Variants in ZYG11A observed in about 807,000 individuals in gnomAD.
ZYG11A encodes the protein protein zyg-11 homolog A.
A neutral mutation model predicts 77.2 loss-of-function variants in ZYG11A; 62 were observed. That is an observed-to-expected ratio of 0.80 (90% CI 0.65 to 0.99). ZYG11A has a LOEUF of 0.99. ZYG11A is among the 50% of genes least tolerant of loss of function. The probability of loss-of-function intolerance (pLI) is 0.00; values close to 1 mark genes in which losing one functional copy is unlikely to be tolerated. For synonymous variants in ZYG11A, 315 were observed against 324.6 expected (o/e 0.97, Z 0.32); for missense variants, 828 against 896.8 (o/e 0.92, Z 0.98).
chr1:52,845,698 ATGTATTTTTT>A (rs1645559632), intron 1 of ZYG11A, among the ~76,000 whole-genome samples: 1 of 151,080 alleles, frequency 6.6e-6, no homozygotes, highest in African/African-American at 2.4e-5. Context: ...TTAATTAAAA[ATGTATTTTTT>A]AAATTGATTT....
Position 52,874,688 on chromosome 1 carries a change from G to A in ZYG11A, c.1543-2994G>A, listed in dbSNP as rs549327093. Among the ~76,000 whole-genome samples the A allele has an allele frequency of 1.8e-3, 271 of 152,114 alleles. 1 individual carries two copies. The highest frequency in any genetic ancestry group is 2.9e-3 in the Non-Finnish European group (195 of 67,990). On this transcript the variant is annotated intron_variant, in intron 8 of 13. Coordinates refer to ENST00000371528, the MANE Select transcript of ZYG11A (RefSeq NM_001004339.3). Reference sequence around the variant, plus strand: ...TTGAGACCAGCCTGGCCAACATGGCGAAACCCCATCTCTACTAAAAATACA... The same window carrying A: ...TTGAGACCAGCCTGGCCAACATGGCAAAACCCCATCTCTACTAAAAATACA...
At chr1:52,869,372 C>T (rs79880288) in intron 8 of ZYG11A, among the ~76,000 whole-genome samples, 1 of 151,140 alleles carries the variant, frequency 6.6e-6, no homozygotes, top group Non-Finnish European at 1.5e-5. Flanking sequence ...TCTGGTTTTC[C>T]TAGGCAGAGG....
intron 13 of ZYG11A, among the ~76,000 whole-genome samples, chr1:52,892,245 G>A (rs1178123014): frequency 1.4e-5 from 2 of 147,518 alleles, no homozygotes; most frequent in African/African-American, 5.0e-5. Context: ...AAAGATGTTT[G>A]GGCCAGGCAT....
At chr1:52,850,438 C>T (rs1049872552) in intron 1 of ZYG11A, among the ~76,000 whole-genome samples, 1 of 151,994 alleles carries the variant, frequency 6.6e-6, no homozygotes, top group Admixed American at 6.6e-5. Flanking sequence ...CCTGCCTCAG[C>T]CTCCCAAATA....
Position 52,864,003 on chromosome 1 carries a change from A to G in ZYG11A, c.1172A>G (p.Asn391Ser). 6.4e-7 allele frequency: 1 copy of G among 1,551,352 alleles called. No homozygotes were observed. The highest frequency in any genetic ancestry group is 1.2e-5 in the South Asian group (1 of 83,932). Residue 391 changes from asparagine (N) to serine (S), a missense_variant, in exon 5 of 14, where the codon AAT becomes AGT. Asn to Ser is a conservative substitution (Grantham distance 46). Coordinates refer to ENST00000371528, the MANE Select transcript of ZYG11A (RefSeq NM_001004339.3). ...ILKLVAIGMR[N>S]HPLDLRVQFT... ...CAGCTTGTGGCTATAGGAATGAGGA[A>G]TCACCCATTGGATTTGCGAGTGCAG... is the stretch of plus-strand genomic sequence containing the variant.
intron 13 of ZYG11A, 48 bp from the exon 14 acceptor site, chr1:52,892,734 T>A: frequency 6.6e-7 from 1 of 1,506,396 alleles, no homozygotes; most frequent in Non-Finnish European, 9.0e-7. Context: ...ATGGGAGTAT[T>A]TAAAATGCCA....
intron 1 of ZYG11A, among the ~76,000 whole-genome samples, chr1:52,847,933 G>T (rs1316281833): frequency 1.3e-5 from 2 of 151,730 alleles, no homozygotes; most frequent in Non-Finnish European, 1.5e-5. Context: ...GCAGTGGCGC[G>T]ATCTCAGCTC....
intron 2 of ZYG11A, among the ~76,000 whole-genome samples, chr1:52,855,319 C>T (rs920729144): frequency 2.0e-5 from 3 of 151,702 alleles, no homozygotes; most frequent in Non-Finnish European, 2.9e-5. Context: ...TATTTATAAC[C>T]TGGGATTACA....
chr1:52,856,342 TA>T (rs1645809882), intron 2 of ZYG11A, among the ~76,000 whole-genome samples: 1 of 151,558 alleles, frequency 6.6e-6, no homozygotes, highest in Admixed American at 6.6e-5. Context: ...GCAGTGCCTG[TA>T]GTCCCAGCTA....
chr1:52,880,348 AG>A (rs1227475817), intron 10 of ZYG11A, among the ~76,000 whole-genome samples: 1 of 152,054 alleles, frequency 6.6e-6, no homozygotes, highest in Admixed American at 6.6e-5. Context: ...GTTCATCAGA[AG>A]CAGCAGTTAA....
At chr1:52,860,961 A>G in intron 4 of ZYG11A, 90 bp downstream of exon 4, 1 of 1,290,136 alleles carries the variant, frequency 7.8e-7, no homozygotes, top group African/African-American at 1.5e-5. Flanking sequence ...AATAAATTAT[A>G]TGCTTTATTC....
intron 10 of ZYG11A, among the ~76,000 whole-genome samples, chr1:52,879,919 C>T (rs11488221): frequency 0.017 from 2,573 of 151,812 alleles, 46 homozygotes; most frequent in African/African-American, 0.057. Flanking sequence ...TGCGCCACCA[C>T]GCCCAGCTAA....
At chr1:52,892,714 A>G (rs764603297) in intron 13 of ZYG11A, 68 bp from the exon 14 acceptor site, 25 of 1,315,484 alleles carry the variant, frequency 1.9e-5, no homozygotes, top group Non-Finnish European at 2.5e-5. Context: ...AGCAAGGTGA[A>G]TGTGGTGACA....
At chr1:52,863,277 G>GGTCT (rs1228418550) in intron 4 of ZYG11A, among the ~76,000 whole-genome samples, 1 of 152,098 alleles carries the variant, frequency 6.6e-6, no homozygotes, top group Non-Finnish European at 1.5e-5. Flanking sequence ...TTGTGTTCTA[G>GGTCT]GTCTTCCACA....
At chr1:52,872,788 T>G (rs1418015053) in intron 8 of ZYG11A, among the ~76,000 whole-genome samples, 5 of 142,054 alleles carry the variant, frequency 3.5e-5, no homozygotes, top group African/African-American at 1.3e-4. Context: ...GAGGCTGAGG[T>G]GGGAGGATCG....
chr1:52,881,878 T>A (rs527710328), intron 11 of ZYG11A: 51 of 434,500 alleles, frequency 1.2e-4, no homozygotes, highest in Middle Eastern at 6.3e-4. Context: ...TTTTTTTTTT[T>A]AAAACTATTT....
intron 8 of ZYG11A, among the ~76,000 whole-genome samples, chr1:52,870,881 G>GGGGAGGGGGAGA (rs1189241369): frequency 3.3e-5 from 5 of 151,694 alleles, no homozygotes; most frequent in African/African-American, 4.8e-5. Context: ...CCGTGGGGAG[G>GGGGAGGGGGAGA]GGGAGGGGGA....
At position 52,845,829 on chromosome 1, in the gene ZYG11A, A is replaced by G. The variant is rs367764443; in HGVS notation, c.90+2856A>G. ...AGTAGCTAGACTATAGGTGTGCACC[A>G]CCATGCCTGGCTGTTTTTTATTTTT... On this transcript the variant is annotated intron_variant, in intron 1 of 13. Transcript: ENST00000371528. Among the ~76,000 whole-genome samples, 23 of 151,258 alleles carry G rather than the reference A, an allele frequency of 1.5e-4. 2 individuals carry two copies. The East Asian group carries it at 2.8e-3, about 18-fold the overall frequency.
At position 52,893,648 on chromosome 1, in the gene ZYG11A, C is replaced by T. The variant is rs909846859; in HGVS notation, c.*691C>T. 1 of 151,938 alleles carries T rather than the reference C, an allele frequency of 6.6e-6. No individual in the cohort carries two copies. Among genetic ancestry groups the T allele is most frequent in the Admixed American group, 6.6e-5 (1 of 15,250 alleles). 9.4% of individuals were successfully genotyped at this position (151,938 alleles called of 1,614,324 possible). A position where few individuals can be genotyped will look rare whatever the true frequency, so the allele number is the denominator to read the frequency against. On this transcript the variant is annotated 3_prime_UTR_variant, in exon 14 of 14. Coordinates refer to ENST00000371528, the MANE Select transcript of ZYG11A (RefSeq NM_001004339.3). ...GAGCGTGGTGGTGTGCACCTTTACT[C>T]CTAGCTACTTGGAGGCTGAGGTGGG...
Sources: gnomAD v4.1 joint callset for allele counts (sites outside exome capture counted in the v4.1 genomes callset) on GRCh38, gnomAD v4.1.1 for gene constraint, MANE v1.5 for transcripts, NCBI Gene and HGNC (gene_info 2026-07-23, HGNC 2026-07-21) for gene names.